KLC1: variants seen among roughly 807,000 people sequenced by gnomAD.
KLC1 encodes the protein kinesin light chain 1.
KLC1 carries 30 observed loss-of-function variants against 84.2 expected under a neutral mutation model. The ratio of observed to expected loss-of-function variants is 0.36; its 90% CI spans 0.27 to 0.48. The LOEUF is 0.48. Ranked by LOEUF, KLC1 falls within the 20% of genes least tolerant of loss-of-function variation. The probability of loss-of-function intolerance (pLI) is 0.99; values close to 1 mark genes in which losing one functional copy is unlikely to be tolerated. For synonymous variants in KLC1, 289 were observed against 293.3 expected (o/e 0.99, Z 0.15); for missense variants, 499 against 805.4 (o/e 0.62, Z 4.60).
chr14:103,701,203 A>G lies in KLC1; in HGVS notation c.*4A>G. The G allele has an allele frequency of 2.6e-6, 4 of 1,550,274 alleles. No individual in the cohort carries two copies. The highest frequency in any genetic ancestry group is 3.5e-6 in the Non-Finnish European group (4 of 1,146,138). Reference sequence around the variant, plus strand: ...TGACCTTCTATCTTCTCTTGCAGTGACCCCGACCTGGCCCCGCTCCAGGAT... The same window carrying G: ...TGACCTTCTATCTTCTCTTGCAGTGGCCCCGACCTGGCCCCGCTCCAGGAT... On this transcript the variant is annotated splice_region_variant and 3_prime_UTR_variant, in exon 17 of 17. Transcript: ENST00000334553.
chr14:103,695,953 G>A (rs955702476), intron 15 of KLC1: 2 of 985,320 alleles, frequency 2.0e-6, no homozygotes, highest in Non-Finnish European at 2.4e-6. Context: ...CCCATCTGGC[G>A]GTCTGAATTT....
intron 5 of KLC1, among the ~76,000 whole-genome samples, chr14:103,665,620 A>G (rs1333384122): frequency 6.6e-6 from 1 of 152,030 alleles, no homozygotes; most frequent in Non-Finnish European, 1.5e-5. Context: ...ATTTTTTAGT[A>G]GAGACAGTGT....
chr14:103,670,163 G>T lies in KLC1; in HGVS notation c.886-19G>T. ...TGGTTATCTTTTACCATTCTTAGTG[G>T]TTCTCTCTGTGTTGACAGGTGGCGG... On this transcript the variant is annotated intron_variant, in intron 6 of 16. Transcript: ENST00000334553. 1 of 1,576,452 alleles carries T rather than the reference G, an allele frequency of 6.3e-7. No individual in the cohort carries two copies. Among genetic ancestry groups the T allele is most frequent in the Non-Finnish European group, 8.7e-7 (1 of 1,149,306 alleles).
chr14:103,676,212 C>T (rs763293641), intron 11 of KLC1, among the ~76,000 whole-genome samples: 4 of 152,196 alleles, frequency 2.6e-5, no homozygotes, highest in Non-Finnish European at 4.4e-5. Flanking sequence ...GCAGACTGCC[C>T]TCTGTGATGG....
At chr14:103,697,037 T>A in intron 15 of KLC1, 1 of 985,480 alleles carries the variant, frequency 1.0e-6, no homozygotes, top group Non-Finnish European at 1.2e-6. Flanking sequence ...CTCTGTTAAA[T>A]GTACCTCTGT....
chr14:103,640,839 A>G (rs938408235), intron 1 of KLC1, among the ~76,000 whole-genome samples: 10 of 152,122 alleles, frequency 6.6e-5, no homozygotes, highest in African/African-American at 2.2e-4. Context: ...TTTGCATCCA[A>G]TTTCCCCTAA....
At chr14:103,653,143 T>C (rs533108985) in intron 1 of KLC1, among the ~76,000 whole-genome samples, 1 of 152,176 alleles carries the variant, frequency 6.6e-6, no homozygotes, top group South Asian at 2.1e-4. Context: ...CTTTTTTCTT[T>C]TTTTGGGAAT....
rs1315840635 is a variant in KLC1, at chr14:103,679,554, A to G, written c.1650+9A>G. On this transcript the variant is annotated intron_variant, in intron 13 of 16. Coordinates refer to ENST00000334553, the MANE Select transcript of KLC1 (RefSeq NM_001394837.1). ...GCGTAGAGTGGAACGGGGTAAGTAC[A>G]GTACACAGCGGGCACGTGCTCCGGG... 6 of 1,606,106 alleles carry G rather than the reference A, an allele frequency of 3.7e-6. No individual in the cohort carries two copies. Among genetic ancestry groups the G allele is most frequent in the Non-Finnish European group, 5.1e-6 (6 of 1,173,606 alleles).
At chr14:103,700,588 G>C in intron 15 of KLC1, 67 bp from the exon 16 acceptor site, 2 of 1,311,002 alleles carry the variant, frequency 1.5e-6, no homozygotes, top group Non-Finnish European at 2.2e-6. Context: ...GTCACGCCCG[G>C]AGCTCTGAAG....
chr14:103,693,581 G>A lies in KLC1; in HGVS notation c.1848+1156G>A, dbSNP rs937539634. The A allele has an allele frequency of 2.0e-6, 3 of 1,536,034 alleles. No homozygotes were observed. The highest frequency in any genetic ancestry group is 2.4e-5 in the East Asian group (1 of 40,912). ...CGAAATAATTGTCTGGCCGACTCGCGAGCTCTGAGTGCCAGCCACACTGAC... is the reference window on the plus strand; with the variant it reads ...CGAAATAATTGTCTGGCCGACTCGCAAGCTCTGAGTGCCAGCCACACTGAC... On this transcript the variant is annotated intron_variant, in intron 15 of 16. Coordinates refer to ENST00000334553, the MANE Select transcript of KLC1 (RefSeq NM_001394837.1). The surrounding 1 kb of genome is among the most constrained non-coding windows in gnomAD (Gnocchi z 5.1).
At chr14:103,629,919 G>T (rs1414979177) in intron 1 of KLC1, among the ~76,000 whole-genome samples, 1 of 152,128 alleles carries the variant, frequency 6.6e-6, no homozygotes, top group Non-Finnish European at 1.5e-5. Context: ...GCTGACCCCG[G>T]GATCGCGGCG....
chr14:103,638,035 T>C (rs2077179784), intron 1 of KLC1, among the ~76,000 whole-genome samples: 1 of 152,158 alleles, frequency 6.6e-6, no homozygotes, highest in Non-Finnish European at 1.5e-5. Flanking sequence ...GGACTGTTCC[T>C]GTAGGCTGGT....
intron 1 of KLC1, among the ~76,000 whole-genome samples, chr14:103,632,352 G>T (rs1034836774): frequency 2.6e-5 from 4 of 151,980 alleles, no homozygotes; most frequent in South Asian, 2.1e-4. Context: ...CTTGAACCGG[G>T]AAGTGGAGGT....
In KLC1 at chr14:103,701,533, T is replaced by G; in HGVS notation, c.*334T>G. 1 of 331,622 alleles carries G rather than the reference T, an allele frequency of 3.0e-6. No homozygotes were observed. Among genetic ancestry groups the G allele is most frequent in the Non-Finnish European group, 5.5e-6 (1 of 181,022 alleles). The allele number at this position is 331,622 out of a possible 1,614,324, so 20.5% of individuals were successfully genotyped here. On this transcript the variant is annotated 3_prime_UTR_variant, in exon 17 of 17. Coordinates refer to ENST00000334553, the MANE Select transcript of KLC1 (RefSeq NM_001394837.1). ...TTGTACATTTTTTTAAATTAAAAGTTTATATGCCTTATGCTTTACTTGAAA... is the reference window on the plus strand; with the variant it reads ...TTGTACATTTTTTTAAATTAAAAGTGTATATGCCTTATGCTTTACTTGAAA...
chr14:103,631,577 G>A (rs1025382025), intron 1 of KLC1, among the ~76,000 whole-genome samples: 1 of 152,130 alleles, frequency 6.6e-6, no homozygotes, highest in Non-Finnish European at 1.5e-5. Flanking sequence ...TTGTAGATAA[G>A]TGGAATGTTA....
At chr14:103,666,587 CTCATT>C (rs1394321401) in intron 5 of KLC1, among the ~76,000 whole-genome samples, 2 of 151,474 alleles carry the variant, frequency 1.3e-5, no homozygotes, top group Non-Finnish European at 2.9e-5. Flanking sequence ...TATACCTCAT[CTCATT>C]TAATTCTTTT....
In KLC1 at chr14:103,693,871, G is replaced by A. The variant is rs1247960935; in HGVS notation, c.1848+1446G>A. 1.7e-5 allele frequency: 23 copies of A among 1,357,040 alleles called. No homozygotes were observed. The highest frequency in any genetic ancestry group is 3.0e-5 in the African/African-American group (2 of 67,520). The allele number at this position is 1,357,040 out of a possible 1,614,324, so 84.1% of individuals were successfully genotyped here. A position where few individuals can be genotyped will look rare whatever the true frequency, so the allele number is the denominator to read the frequency against. ...CCGGCCAGGCTGGCTCAGGGAGGCC[G>A]AGGTGGCGCTGAGGTGGCTTCAGCA... On this transcript the variant is annotated intron_variant, in intron 15 of 16. Transcript: ENST00000334553. The surrounding 1 kb of genome is among the most constrained non-coding windows in gnomAD (Gnocchi z 5.1).
rs534453475 is a variant in KLC1, at chr14:103,697,146, C to T, written c.1849-3509C>T. On this transcript the variant is annotated intron_variant, in intron 15 of 16. Transcript: ENST00000334553. ...TACAGAAATAAAATGTCTTACTTGCCATTGTAGAATTCCTGCACTTTTGCA... is the reference window on the plus strand; with the variant it reads ...TACAGAAATAAAATGTCTTACTTGCTATTGTAGAATTCCTGCACTTTTGCA... 1.0e-4 allele frequency: 103 copies of T among 983,988 alleles called. No individual in the cohort carries two copies. The African/African-American group carries it at 1.7e-3, about 16-fold the overall frequency. The allele number at this position is 983,988 out of a possible 1,614,324, so 61.0% of individuals were successfully genotyped here.
intron 1 of KLC1, among the ~76,000 whole-genome samples, chr14:103,634,968 G>A (rs1170530222): frequency 6.6e-6 from 1 of 152,116 alleles, no homozygotes; most frequent in Non-Finnish European, 1.5e-5. Flanking sequence ...CATCCTTTGT[G>A]GCGTTGTACT....
Sources: allele counts gnomAD v4.1 joint callset (sites outside exome capture counted in the v4.1 genomes callset), GRCh38; gene constraint gnomAD v4.1.1; non-coding constraint Gnocchi (gnomAD v3.1); transcripts MANE v1.5; gene names NCBI Gene and HGNC (gene_info 2026-07-23, HGNC 2026-07-21).